Variants in FAM186B observed in about 807,000 individuals in gnomAD.
FAM186B encodes the protein family with sequence similarity 186 member B, also known as protein FAM186B.
FAM186B carries 68 observed loss-of-function variants against 83.4 expected under a neutral mutation model. The ratio of observed to expected loss-of-function variants is 0.81; its 90% CI spans 0.67 to 1.00. The LOEUF is 1.00. Ranked by LOEUF, FAM186B falls within the 50% of genes least tolerant of loss-of-function variation. The pLI, the probability that FAM186B is intolerant of heterozygous loss-of-function variation, is 0.00. For synonymous variants in FAM186B, 389 were observed against 422.0 expected (o/e 0.92, Z 0.96); for missense variants, 983 against 1,099.2 (o/e 0.89, Z 1.49).
intron 5 of FAM186B, among the ~76,000 whole-genome samples, chr12:49,589,978 CAAAAAAA>C (rs57724815): frequency 4.9e-5 from 3 of 60,710 alleles, no homozygotes; most frequent in Non-Finnish European, 6.4e-5. Context: ...ACTCTGTCTC[CAAAAAAA>C]AAAAAAAAAA....
At chr12:49,583,628 C>A (rs1341189759), downstream of FAM186B, 1 of 153,554 alleles carries the variant, frequency 6.5e-6, no homozygotes, top group African/African-American at 2.4e-5. Context: ...ATCCACAGAA[C>A]CAGCTGTTCA....
the FAM186B span, among the ~76,000 whole-genome samples, chr12:49,615,700 GCTCA>G: frequency 6.6e-6 from 1 of 151,988 alleles, no homozygotes; most frequent in African/African-American, 2.4e-5. Context: ...GAGGCGGGAG[GCTCA>G]CTGAGTCCAG....
chr12:49,592,717 C>T (rs1025890740), intron 5 of FAM186B, among the ~76,000 whole-genome samples: 5 of 152,010 alleles, frequency 3.3e-5, no homozygotes, highest in African/African-American at 4.8e-5. Context: ...ATCCAGGAGG[C>T]GGAGGTTATG....
rs771769901 is a variant in FAM186B, at chr12:49,604,455, T to C, written c.180A>G (p.Leu60=). 5 of 1,614,248 alleles carry C rather than the reference T, an allele frequency of 3.1e-6. No individual in the cohort carries two copies. Among genetic ancestry groups the C allele is most frequent in the Non-Finnish European group, 4.2e-6 (5 of 1,180,040 alleles). The change falls in exon 2 of 7, where the codon TTA becomes TTG. Residue 60 remains leucine, a synonymous_variant. Coordinates refer to ENST00000257894, the MANE Select transcript of FAM186B (RefSeq NM_032130.3). The part of the protein sequence containing the change: ...NRFQEELGYD[L]KENAKSQQRD... The stretch of plus-strand genomic sequence containing the variant: ...TCTGCTGAGATTTGGCATTTTCTTT[T>C]AAATCATATCCTAATTCTTCCTGGA...
intron 5 of FAM186B, among the ~76,000 whole-genome samples, chr12:49,596,948 A>G (rs1346867618): frequency 6.6e-6 from 1 of 152,262 alleles, no homozygotes; most frequent in East Asian, 1.9e-4. Context: ...ACATTTCAGT[A>G]AATGATGGAC....
At chr12:49,615,132 A>T in the FAM186B span, among the ~76,000 whole-genome samples, 1 of 152,100 alleles carries the variant, frequency 6.6e-6, no homozygotes, top group Non-Finnish European at 1.5e-5. Context: ...CCGTCTCAAA[A>T]AAAAAAACAA....
chr12:49,594,226 A>G (rs951296499), intron 5 of FAM186B: 9 of 264,830 alleles, frequency 3.4e-5, no homozygotes, highest in Middle Eastern at 1.3e-3. Context: ...ATTCAAGAAA[A>G]GGACTGAAAG....
intron 5 of FAM186B, among the ~76,000 whole-genome samples, chr12:49,597,836 G>T (rs1939764052): frequency 6.6e-6 from 1 of 152,196 alleles, no homozygotes; most frequent in South Asian, 2.1e-4. Flanking sequence ...AAGGCAGGTG[G>T]ATCACTTGAG....
chr12:49,589,194 T>C (rs900458003), intron 5 of FAM186B, among the ~76,000 whole-genome samples: 3 of 152,200 alleles, frequency 2.0e-5, no homozygotes, highest in African/African-American at 7.2e-5. Context: ...CTCACACCAA[T>C]GCCTCAGCAT....
chr12:49,595,883 G>T (rs1280774382), intron 5 of FAM186B, among the ~76,000 whole-genome samples: 1 of 152,226 alleles, frequency 6.6e-6, no homozygotes, highest in Non-Finnish European at 1.5e-5. Flanking sequence ...TACTCGGGAG[G>T]CTGAGGCAGA....
chr12:49,584,402 G>T, downstream of FAM186B: 1 of 679,094 alleles, frequency 1.5e-6, no homozygotes, highest in Non-Finnish European at 2.7e-6. Context: ...AAAAGCACCA[G>T]CTGGGAACCT....
At chr12:49,588,423 G>C (rs1565804103) in intron 6 of FAM186B, 31 bp downstream of exon 6, 1 of 1,588,604 alleles carries the variant, frequency 6.3e-7, no homozygotes, top group Non-Finnish European at 8.6e-7. Flanking sequence ...CACCCATACA[G>C]CTGCTGCCCC....
At chr12:49,618,921 T>C in the FAM186B span, among the ~76,000 whole-genome samples, 1 of 152,166 alleles carries the variant, frequency 6.6e-6, no homozygotes, top group Admixed American at 6.5e-5. Context: ...TGGAAGATAA[T>C]AGCCACTCAC....
At chr12:49,597,626 G>C (rs1243595564) in intron 5 of FAM186B, among the ~76,000 whole-genome samples, 1 of 152,170 alleles carries the variant, frequency 6.6e-6, no homozygotes, top group Non-Finnish European at 1.5e-5. Flanking sequence ...CCAGAGGAGA[G>C]AGAAAAATGG....
chr12:49,603,896 TG>T (rs1394360266), intron 2 of FAM186B, among the ~76,000 whole-genome samples: 2 of 151,788 alleles, frequency 1.3e-5, no homozygotes, highest in African/African-American at 4.8e-5. Flanking sequence ...CTGAGCTGAG[TG>T]GGGGGTAGCA....
At chr12:49,608,692 C>T (rs936802388), upstream of FAM186B, among the ~76,000 whole-genome samples, 1 of 151,654 alleles carries the variant, frequency 6.6e-6, no homozygotes, top group Non-Finnish European at 1.5e-5. Flanking sequence ...AGGCAAACAG[C>T]CCCCGTGATG....
chr12:49,603,496 G>A, intron 2 of FAM186B, 129 bp from the exon 3 acceptor site: 1 of 852,406 alleles, frequency 1.2e-6, no homozygotes, highest in South Asian at 1.8e-5. Flanking sequence ...GCTATGTGAT[G>A]TTGGGCAAGT....
the FAM186B span, among the ~76,000 whole-genome samples, chr12:49,616,175 G>A: frequency 1.3e-5 from 2 of 151,964 alleles, no homozygotes; most frequent in African/African-American, 2.4e-5. Flanking sequence ...GATTACAGGT[G>A]CCCGCCACCA....
chr12:49,594,019 G>C (rs1246300233), intron 5 of FAM186B: 1 of 163,960 alleles, frequency 6.1e-6, no homozygotes, highest in Non-Finnish European at 1.4e-5. Flanking sequence ...TAGGGAATTG[G>C]TGGGTTGGAG....
Sources: gnomAD v4.1 joint callset for allele counts (sites outside exome capture counted in the v4.1 genomes callset) on GRCh38, gnomAD v4.1.1 for gene constraint, MANE v1.5 for transcripts, NCBI Gene and HGNC (gene_info 2026-07-23, HGNC 2026-07-21) for gene names.